Variants in TRIO observed in about 807,000 individuals in gnomAD.
TRIO encodes the protein triple functional domain protein.
TRIO carries 58 observed loss-of-function variants against 351.9 expected under a neutral mutation model. The observed-to-expected ratio is 0.16, with a 90% confidence interval of 0.13 to 0.21. The LOEUF (loss-of-function observed/expected upper bound fraction) is 0.21. Ranked by LOEUF, TRIO falls within the 10% of genes least tolerant of loss-of-function variation. The probability of loss-of-function intolerance (pLI) is 1.00; values close to 1 mark genes in which losing one functional copy is unlikely to be tolerated. For missense variants in TRIO, 3,201 were observed against 4,027.8 expected (o/e 0.79, Z 5.56); for synonymous variants, 1,758 against 1,595.7 (o/e 1.10, Z -2.42).
At chr5:14,373,385 G>A (rs144079196) in intron 18 of TRIO, among the ~76,000 whole-genome samples, 12 of 152,266 alleles carry the variant, frequency 7.9e-5, no homozygotes, top group African/African-American at 2.4e-4. Flanking sequence ...TGACCATCCC[G>A]AATGACTAGA....
chr5:14,384,301 TTTGTTAG>T (rs1289907582), intron 21 of TRIO, among the ~76,000 whole-genome samples: 1 of 152,220 alleles, frequency 6.6e-6, no homozygotes, highest in Non-Finnish European at 1.5e-5. Context: ...AATGCCTTAC[TTTGTTAG>T]AAAGTGTCTA....
At chr5:14,325,990 C>CAGAG (rs1359116610) in intron 9 of TRIO, among the ~76,000 whole-genome samples, 3 of 152,224 alleles carry the variant, frequency 2.0e-5, no homozygotes, top group African/African-American at 7.2e-5. Context: ...GAAACAAAAG[C>CAGAG]AGAGGTCTTT....
At chr5:14,501,919 C>T (rs917823098) in intron 53 of TRIO, among the ~76,000 whole-genome samples, 1 of 152,224 alleles carries the variant, frequency 6.6e-6, no homozygotes, top group African/African-American at 2.4e-5. Flanking sequence ...GGCTCCCCCA[C>T]TTAGTGCTTC....
intron 45 of TRIO, 134 bp downstream of exon 45, chr5:14,481,752 C>A: frequency 2.0e-6 from 1 of 494,350 alleles, no homozygotes; most frequent in Non-Finnish European, 3.4e-6. Context: ...TTACCTCAAT[C>A]TGATTGATAT....
intron 1 of TRIO, among the ~76,000 whole-genome samples, chr5:14,246,416 G>A (rs1794438346): frequency 6.6e-6 from 1 of 152,188 alleles, no homozygotes; most frequent in African/African-American, 2.4e-5. Flanking sequence ...ACTGGAACTT[G>A]GAAAGCGCAG....
intron 1 of TRIO, among the ~76,000 whole-genome samples, chr5:14,237,526 T>C (rs1388250008): frequency 1.3e-5 from 2 of 152,210 alleles, no homozygotes; most frequent in African/African-American, 4.8e-5. Flanking sequence ...GTGTGTCTGC[T>C]TGCTTTGGTG....
At chr5:14,205,437 A>G (rs1172910819) in intron 1 of TRIO, among the ~76,000 whole-genome samples, 2 of 152,228 alleles carry the variant, frequency 1.3e-5, no homozygotes, top group East Asian at 1.9e-4. Context: ...TTACAAGTCA[A>G]TACACTGTTC....
At chr5:14,422,233 C>G (rs139515951) in intron 34 of TRIO, among the ~76,000 whole-genome samples, 49 of 152,338 alleles carry the variant, frequency 3.2e-4, no homozygotes, top group African/African-American at 1.1e-3. Flanking sequence ...CTCACCCTCG[C>G]TTCAGAACTC....
chr5:14,358,499 G>A (rs1743841439), intron 12 of TRIO, 152 bp downstream of exon 12: 3 of 786,266 alleles, frequency 3.8e-6, no homozygotes, highest in Non-Finnish European at 5.8e-6. Flanking sequence ...AGAGAGAAAC[G>A]GCTCTCTTCT....
At chr5:14,307,914 C>T (rs976945958) in intron 8 of TRIO, among the ~76,000 whole-genome samples, 4 of 152,186 alleles carry the variant, frequency 2.6e-5, no homozygotes, top group Admixed American at 6.5e-5. Flanking sequence ...TGAGATCTTA[C>T]TATATCAGTC....
chr5:14,348,788 G>GT (rs1359590345), intron 11 of TRIO, among the ~76,000 whole-genome samples: 6 of 151,062 alleles, frequency 4.0e-5, no homozygotes. Context: ...CTGCATGTTT[G>GT]TGTGTGTACG....
chr5:14,256,539 A>G (rs1337172347), intron 1 of TRIO, among the ~76,000 whole-genome samples: 2 of 152,230 alleles, frequency 1.3e-5, no homozygotes, highest in African/African-American at 4.8e-5. Flanking sequence ...TAGTGGTTTC[A>G]AACATATGTA....
chr5:14,373,360 C>T (rs1745289107), intron 18 of TRIO, among the ~76,000 whole-genome samples: 1 of 152,158 alleles, frequency 6.6e-6, no homozygotes, highest in African/African-American at 2.4e-5. Context: ...GAAACAGTGA[C>T]CAACCCCAAA....
intron 45 of TRIO, 120 bp from the exon 46 acceptor site, chr5:14,482,462 A>G (rs1755600141): frequency 1.2e-6 from 1 of 804,230 alleles, no homozygotes; most frequent in Admixed American, 4.0e-5. Context: ...AAACTCCATA[A>G]ATTAATAAAA....
chr5:14,410,220 C>A (rs1184049955), intron 33 of TRIO, among the ~76,000 whole-genome samples: 1 of 152,256 alleles, frequency 6.6e-6, no homozygotes, highest in East Asian at 1.9e-4. Flanking sequence ...TTGGAGAGGA[C>A]GTACCCATGC....
At chr5:14,370,595 T>C (rs1024569733) in intron 18 of TRIO, among the ~76,000 whole-genome samples, 3 of 152,208 alleles carry the variant, frequency 2.0e-5, no homozygotes, top group Admixed American at 2.0e-4. Flanking sequence ...TATTGTTTAG[T>C]CTGGGAGGAT....
At chr5:14,505,923 G>A (rs1260023981) in intron 55 of TRIO, among the ~76,000 whole-genome samples, 8 of 152,218 alleles carry the variant, frequency 5.3e-5, no homozygotes, top group African/African-American at 1.7e-4. Flanking sequence ...CACTGGCCTC[G>A]CCTGGCCTCA....
chr5:14,419,633 G>C, intron 33 of TRIO, 145 bp from the exon 34 acceptor site: 5 of 1,016,116 alleles, frequency 4.9e-6, no homozygotes, highest in Non-Finnish European at 7.1e-6. Flanking sequence ...TTCATACGGA[G>C]AGTGCAGTGA....
chr5:14,391,670 G>A (rs1747094228), intron 27 of TRIO, among the ~76,000 whole-genome samples: 1 of 152,234 alleles, frequency 6.6e-6, no homozygotes, highest in Non-Finnish European at 1.5e-5. Flanking sequence ...TTTGATTGAA[G>A]GATAAGGTGC....
Sources: gnomAD v4.1 joint callset for allele counts (sites outside exome capture counted in the v4.1 genomes callset) on GRCh38, gnomAD v4.1.1 for gene constraint, MANE v1.5 for transcripts, NCBI Gene and HGNC (gene_info 2026-07-23, HGNC 2026-07-21) for gene names.